FGF14: variants seen among roughly 807,000 people sequenced by gnomAD.
FGF14 encodes fibroblast growth factor 14, also known as fibroblast growth factor homologous factor 4.
FGF14 carries 5 observed loss-of-function variants against 25.5 expected under a neutral mutation model. The ratio of observed to expected loss-of-function variants is 0.20; its 90% CI spans 0.10 to 0.41. FGF14 has a LOEUF of 0.41. Among genes scored for constraint, FGF14 ranks in the 10% least tolerant of loss-of-function variants. The pLI is 1.00. For missense variants in FGF14, 222 were observed against 320.1 expected, an observed-to-expected ratio of 0.69 and a Z score of 2.34; for synonymous variants, 138 against 118.3, an observed-to-expected ratio of 1.17 and a Z score of -1.08.
intron 1 of FGF14, among the ~76,000 whole-genome samples, chr13:102,102,544 A>C (rs1182466513): frequency 6.6e-6 from 1 of 152,192 alleles, no homozygotes; most frequent in Non-Finnish European, 1.5e-5. Context: ...GCAGAAGGCC[A>C]CTATTTTACC....
At chr13:102,231,189 ATTTT>A (rs1290271504) in intron 1 of FGF14, among the ~76,000 whole-genome samples, 4 of 152,190 alleles carry the variant, frequency 2.6e-5, no homozygotes, top group Admixed American at 2.6e-4. Flanking sequence ...TATATGGATC[ATTTT>A]TTAAGTCCTG....
intron 1 of FGF14, among the ~76,000 whole-genome samples, chr13:101,905,193 T>C (rs1176981214): frequency 6.6e-6 from 1 of 152,172 alleles, no homozygotes; most frequent in Admixed American, 6.6e-5. Flanking sequence ...TCCCAGCAGT[T>C]TCTGCATCAT....
rs2038897609 is a variant in FGF14 at position 101,991,420 on chromosome 13, G to GA, written c.209-116125dup. Among the ~76,000 whole-genome samples, 3 of 152,054 alleles carry GA rather than the reference G, an allele frequency of 2.0e-5. No individual in the cohort carries two copies. The South Asian group carries it at 6.2e-4, about 31-fold the overall frequency. On this transcript the variant is annotated intron_variant, in intron 1 of 4. Coordinates refer to the FGF14 transcript ENST00000376131. ...TTGCTAGATTAAGGAGAATACAGTG[G>GA]AAAAATACCAATTGAAATGTGTAGC...
intron 3 of FGF14, among the ~76,000 whole-genome samples, chr13:101,852,506 A>C (rs1178222061): frequency 6.6e-6 from 1 of 152,120 alleles, no homozygotes; most frequent in Non-Finnish European, 1.5e-5. Context: ...TGAAACAGTA[A>C]CACCATTTGC....
At chr13:102,004,894 C>G (rs912694245) in intron 1 of FGF14, among the ~76,000 whole-genome samples, 1 of 152,128 alleles carries the variant, frequency 6.6e-6, no homozygotes, top group Non-Finnish European at 1.5e-5. Flanking sequence ...GTGTTTGCGT[C>G]CCCTTCTGAT....
At chr13:101,823,390 A>G (rs1320521729) in intron 3 of FGF14, among the ~76,000 whole-genome samples, 2 of 148,912 alleles carry the variant, frequency 1.3e-5, no homozygotes, top group Non-Finnish European at 3.0e-5. Flanking sequence ...CATGTTTTGT[A>G]TATATAATAT....
intron 3 of FGF14, among the ~76,000 whole-genome samples, chr13:101,766,668 A>G (rs7327551): frequency 0.96 from 146,025 of 152,230 alleles, 70,348 homozygotes; most frequent in East Asian, 1. Context: ...TTATGTGGAA[A>G]TGTGGTCTTT....
chr13:102,087,403 A>AT lies in FGF14; in HGVS notation c.209-212108dup, dbSNP rs1485606038. The stretch of plus-strand genomic sequence containing the variant: ...CAGAAATAGTAAAAAATAGACTGTA[A>AT]TTTCTTTTTTTTTTTTTTTTTTTTT... On this transcript the variant is annotated intron_variant, in intron 1 of 4. Transcript: ENST00000376131. Among the ~76,000 whole-genome samples, 205 of 80,494 alleles carry AT rather than the reference A, an allele frequency of 2.5e-3. 6 individuals carry two copies. The highest frequency in any genetic ancestry group is 8.7e-3 in the African/African-American group (196 of 22,538). 52.8% of individuals were successfully genotyped at this position (80,494 alleles called of 152,430 possible).
At chr13:102,112,652 T>C (rs113858700) in intron 1 of FGF14, among the ~76,000 whole-genome samples, 159 of 152,318 alleles carry the variant, frequency 1.0e-3, no homozygotes, top group African/African-American at 3.7e-3. Context: ...TATGATTAAA[T>C]AGTTAATGGT....
At chr13:102,377,957 T>C (rs966171445) in intron 1 of FGF14, among the ~76,000 whole-genome samples, 2 of 152,162 alleles carry the variant, frequency 1.3e-5, no homozygotes, top group African/African-American at 4.8e-5. Context: ...TCCTAAAGGC[T>C]TGCAAATCAA....
chr13:102,033,497 GCACACACA>G (rs71753230), intron 1 of FGF14, among the ~76,000 whole-genome samples: 1 of 145,030 alleles, frequency 6.9e-6, no homozygotes, highest in Non-Finnish European at 1.5e-5. Context: ...GCGTGTGCAC[GCACACACA>G]CACACACACA....
chr13:102,322,338 T>C (rs1464679692), intron 1 of FGF14, among the ~76,000 whole-genome samples: 1 of 152,134 alleles, frequency 6.6e-6, no homozygotes, highest in Non-Finnish European at 1.5e-5. Flanking sequence ...TACCTTGGCA[T>C]AGAGTGCAGG....
intron 1 of FGF14, among the ~76,000 whole-genome samples, chr13:102,196,094 G>A (rs767498486): frequency 6.6e-6 from 1 of 152,150 alleles, no homozygotes; most frequent in Non-Finnish European, 1.5e-5. Flanking sequence ...TAAACAGCAT[G>A]TTCAAAAAGT....
intron 1 of FGF14, among the ~76,000 whole-genome samples, chr13:102,034,584 G>C (rs1408837954): frequency 6.6e-6 from 1 of 152,100 alleles, no homozygotes; most frequent in Admixed American, 6.6e-5. Context: ...CAAAACATCA[G>C]TCACCAAGGT....
At chr13:102,241,470 A>C (rs906186737) in intron 1 of FGF14, among the ~76,000 whole-genome samples, 4 of 152,136 alleles carry the variant, frequency 2.6e-5, no homozygotes, top group Non-Finnish European at 5.9e-5. Context: ...AAGACTCTTT[A>C]GAAGAAACAG....
Position 101,986,244 on chromosome 13 carries a change from G to A in FGF14, c.209-110948C>T, listed in dbSNP as rs545439658. 7.9e-4 allele frequency among the ~76,000 whole-genome samples: 120 copies of A among 152,124 alleles called. 4 individuals are homozygous for A. The South Asian group carries it at 0.02, about 25-fold the overall frequency. ...AAGGATTTTCCATAACACCAGTAGC[G>A]CACAAGTTTTTCAATTTGGGTTTCT... On this transcript the variant is annotated intron_variant, in intron 1 of 4. Coordinates refer to the FGF14 transcript ENST00000376131.
At chr13:101,788,304 A>C (rs2039973428) in intron 3 of FGF14, among the ~76,000 whole-genome samples, 2 of 152,152 alleles carry the variant, frequency 1.3e-5, no homozygotes, top group South Asian at 4.1e-4. Flanking sequence ...GAGATTGTTG[A>C]AATGTCTGCT....
chr13:102,013,575 C>T (rs541216601), intron 1 of FGF14, among the ~76,000 whole-genome samples: 1 of 152,188 alleles, frequency 6.6e-6, no homozygotes, highest in South Asian at 2.1e-4. Flanking sequence ...TGAATAAACC[C>T]AAAGGAATTG....
intron 1 of FGF14, among the ~76,000 whole-genome samples, chr13:102,148,628 G>A (rs1203535194): frequency 6.6e-6 from 1 of 152,092 alleles, no homozygotes; most frequent in Non-Finnish European, 1.5e-5. Context: ...GGGCAACAGG[G>A]TGAAACCCCG....
Sources: gnomAD v4.1 joint callset for allele counts (sites outside exome capture counted in the v4.1 genomes callset) on GRCh38, gnomAD v4.1.1 for gene constraint, MANE v1.5 for transcripts, NCBI Gene and HGNC (gene_info 2026-07-23, HGNC 2026-07-21) for gene names.